NTRK2: variants seen among roughly 807,000 people sequenced by gnomAD.
NTRK2 encodes the protein neurotrophic receptor tyrosine kinase 2, also known as BDNF/NT-3 growth factors receptor.
Under a neutral mutation model 94.5 loss-of-function variants are expected in NTRK2, and 13 were observed. The observed-to-expected ratio is 0.14, with a 90% CI of 0.09 to 0.22. The LOEUF (loss-of-function observed/expected upper bound fraction) is 0.22, where lower values mean the gene tolerates loss of function less well. Ranked by LOEUF, NTRK2 falls within the 10% of genes least tolerant of loss-of-function variation. The pLI is 1.00. For missense variants in NTRK2, 639 were observed against 1,071.2 expected, an observed-to-expected ratio of 0.60 and a Z score of 5.63; for synonymous variants, 372 against 407.4, an observed-to-expected ratio of 0.91 and a Z score of 1.05.
chr9:84,901,532 A>T (rs1338640200), intron 14 of NTRK2, among the ~76,000 whole-genome samples: 1 of 152,112 alleles, frequency 6.6e-6, no homozygotes, highest in Non-Finnish European at 1.5e-5. Flanking sequence ...GCGCCCGACC[A>T]TAATTTTTAA....
chr9:84,830,967 T>C (rs1198586316), intron 12 of NTRK2, among the ~76,000 whole-genome samples: 2 of 152,228 alleles, frequency 1.3e-5, no homozygotes, highest in African/African-American at 4.8e-5. Flanking sequence ...TTATTTCCTA[T>C]TACATGTACT....
chr9:84,802,250 ATGCCT>A (rs2070565788), intron 12 of NTRK2, among the ~76,000 whole-genome samples: 1 of 152,198 alleles, frequency 6.6e-6, no homozygotes, highest in Admixed American at 6.5e-5. Flanking sequence ...TATATTTGGA[ATGCCT>A]TAGCTGGCCC....
chr9:84,753,133 G>T (rs940333793), intron 12 of NTRK2, among the ~76,000 whole-genome samples: 1 of 152,130 alleles, frequency 6.6e-6, no homozygotes, highest in African/African-American at 2.4e-5. Context: ...AGCCAGAAAT[G>T]AACAGGGAGG....
At chr9:84,896,017 CCT>C (rs1236047821) in intron 14 of NTRK2, among the ~76,000 whole-genome samples, 5 of 152,146 alleles carry the variant, frequency 3.3e-5, no homozygotes, top group Non-Finnish European at 5.9e-5. Context: ...AGCCTCTCAC[CCT>C]CTCTTTTCTC....
At chr9:84,811,899 G>A in intron 12 of NTRK2, 3 of 1,063,592 alleles carry the variant, frequency 2.8e-6, no homozygotes, top group Non-Finnish European at 3.4e-6. Flanking sequence ...AGAGAGGTTT[G>A]GCTATCCCCA....
chr9:85,008,310 C>T (rs532277592), intron 17 of NTRK2, among the ~76,000 whole-genome samples: 1 of 152,134 alleles, frequency 6.6e-6, no homozygotes, highest in East Asian at 1.9e-4. Context: ...TCTAACTCAA[C>T]TTTGTTTCCC....
chr9:84,713,010 G>C (rs1022742849), intron 6 of NTRK2, among the ~76,000 whole-genome samples: 6 of 152,240 alleles, frequency 3.9e-5, no homozygotes, highest in Middle Eastern at 3.4e-3. Context: ...CAGAATTGTT[G>C]GTTTATGTGG....
chr9:84,764,699 C>T (rs932726995), intron 12 of NTRK2, among the ~76,000 whole-genome samples: 1 of 152,184 alleles, frequency 6.6e-6, no homozygotes, highest in Admixed American at 6.5e-5. Flanking sequence ...TCCAGCAATC[C>T]TACTGCTGGG....
chr9:84,833,998 A>G (rs1384060862), intron 12 of NTRK2, among the ~76,000 whole-genome samples: 3 of 152,122 alleles, frequency 2.0e-5, no homozygotes, highest in African/African-American at 7.2e-5. Flanking sequence ...TTTGACTTTC[A>G]TCTTCCACTT....
At chr9:84,979,091 A>G (rs1213481255) in intron 17 of NTRK2, among the ~76,000 whole-genome samples, 1 of 152,222 alleles carries the variant, frequency 6.6e-6, no homozygotes. Flanking sequence ...CTGCTAACAC[A>G]ACATCCATTC....
chr9:84,724,629 A>T (rs745724360), intron 8 of NTRK2, among the ~76,000 whole-genome samples: 32 of 152,118 alleles, frequency 2.1e-4, no homozygotes, highest in Non-Finnish European at 3.7e-4. Context: ...GATAGAATAT[A>T]CTTTGGGCTG....
chr9:84,988,962 T>C (rs562738058), intron 17 of NTRK2, among the ~76,000 whole-genome samples: 2 of 152,338 alleles, frequency 1.3e-5, no homozygotes, highest in East Asian at 3.9e-4. Context: ...ACTCTGGCTT[T>C]AAATCTGATA....
chr9:85,020,507 T>C (rs1052276268), intron 18 of NTRK2, 143 bp downstream of exon 18: 2 of 827,886 alleles, frequency 2.4e-6, no homozygotes, highest in Admixed American at 4.0e-5. Flanking sequence ...CCAAGTAGCC[T>C]GCTATGTTTC....
intron 14 of NTRK2, among the ~76,000 whole-genome samples, chr9:84,901,204 G>GTTTTATTTTATTTTATTTTA (rs56826522): frequency 5.6e-4 from 77 of 138,342 alleles, no homozygotes; most frequent in South Asian, 5.1e-3. Context: ...GTTTTGTTTT[G>GTTTTATTTTATTTTATTTTA]TTTTATTTTA....
At chr9:84,891,807 A>G (rs1375048403) in intron 14 of NTRK2, among the ~76,000 whole-genome samples, 4 of 152,354 alleles carry the variant, frequency 2.6e-5, no homozygotes, top group Non-Finnish European at 5.9e-5. Flanking sequence ...AACCTAGAGA[A>G]GTATGGGAAA....
chr9:84,828,852 G>A (rs2073350431), intron 12 of NTRK2, among the ~76,000 whole-genome samples: 1 of 152,170 alleles, frequency 6.6e-6, no homozygotes, highest in South Asian at 2.1e-4. Flanking sequence ...GTAGGCTCCT[G>A]GGGACTGTGT....
At chr9:84,673,617 C>T (rs1564020396) in intron 2 of NTRK2, among the ~76,000 whole-genome samples, 1 of 152,030 alleles carries the variant, frequency 6.6e-6, no homozygotes, top group Non-Finnish European at 1.5e-5. Context: ...CCATCATGCC[C>T]TTAGGGTTCT....
intron 12 of NTRK2, among the ~76,000 whole-genome samples, chr9:84,761,836 G>C (rs1003873649): frequency 6.6e-6 from 1 of 152,092 alleles, no homozygotes; most frequent in Non-Finnish European, 1.5e-5. Context: ...CTGTTAATTT[G>C]CAGGTAGCAT....
rs199824757 is a variant in NTRK2 at position 85,022,429 on chromosome 9, G to T, written c.*992G>T. The T allele has an allele frequency of 2.4e-4, 57 of 233,128 alleles. No homozygotes were observed. Among genetic ancestry groups the T allele is most frequent in the African/African-American group, 1.1e-3 (51 of 45,344 alleles). The allele number at this position is 233,128 out of a possible 1,614,324, so 14.4% of individuals were successfully genotyped here. On this transcript the variant is annotated 3_prime_UTR_variant, in exon 19 of 19. Transcript: ENST00000277120. ...CTCAAGCGCTATCCACAGAACCTTT[G>T]TCAACTTCAGTTGAAAAGAGGTGGA...
Sources: allele counts gnomAD v4.1 joint callset (sites outside exome capture counted in the v4.1 genomes callset), GRCh38; gene constraint gnomAD v4.1.1; transcripts MANE v1.5; gene names NCBI Gene and HGNC (gene_info 2026-07-23, HGNC 2026-07-21).